The following ARHGAP26 variants were observed in gnomAD, a reference collection of about 807,000 sequenced individuals.
The protein encoded by ARHGAP26 is rho GTPase-activating protein 26.
Under a neutral mutation model 104.8 loss-of-function variants are expected in ARHGAP26, and 38 were observed. The observed-to-expected ratio is 0.36, with a 90% CI of 0.28 to 0.48. ARHGAP26 has a LOEUF of 0.48. Among genes scored for constraint, ARHGAP26 ranks in the 20% least tolerant of loss-of-function variants. The pLI is 0.99. For synonymous variants in ARHGAP26, 341 were observed against 340.0 expected (o/e 1.00, Z -0.03); for missense variants, 704 against 947.9 (o/e 0.74, Z 3.38).
At chr5:143,134,544 G>A (rs34695950) in intron 19 of ARHGAP26, among the ~76,000 whole-genome samples, 4,821 of 152,178 alleles carry the variant, frequency 0.032, 99 homozygotes, top group East Asian at 0.078. Context: ...GACCTTGTAC[G>A]GCTTGATCTT....
intron 20 of ARHGAP26, among the ~76,000 whole-genome samples, chr5:143,156,420 GTGCACTGGTTCTCAGAGTGTGGTCC>G (rs1270889753): frequency 9.9e-5 from 15 of 152,180 alleles, no homozygotes; most frequent in Non-Finnish European, 1.6e-4. Context: ...CCTTAGCTCT[GTGCACTGGTTCTCAGAGTGTGGTCC>G]TGGGACCAGC....
At chr5:143,148,446 A>G (rs1302524823) in intron 20 of ARHGAP26, among the ~76,000 whole-genome samples, 2 of 152,202 alleles carry the variant, frequency 1.3e-5, no homozygotes, top group East Asian at 1.9e-4. Context: ...GATGACTCCA[A>G]ATGGACTTAA....
At chr5:142,949,658 A>G (rs1768007421) in intron 11 of ARHGAP26, among the ~76,000 whole-genome samples, 1 of 152,136 alleles carries the variant, frequency 6.6e-6, no homozygotes, top group Non-Finnish European at 1.5e-5. Context: ...GGATTGGTAC[A>G]AGCAGAGGAA....
chr5:143,054,241 G>T (rs1785460789), intron 14 of ARHGAP26, among the ~76,000 whole-genome samples, 198 bp from the exon 15 acceptor site: 1 of 152,216 alleles, frequency 6.6e-6, no homozygotes, highest in South Asian at 2.1e-4. Context: ...GAGAGGATCA[G>T]TTTCACTGCA....
intron 20 of ARHGAP26, among the ~76,000 whole-genome samples, chr5:143,168,205 C>T (rs1463053899): frequency 6.6e-6 from 1 of 152,140 alleles, no homozygotes; most frequent in African/African-American, 2.4e-5. Flanking sequence ...TGAACATATG[C>T]TTCTCATCTG....
intron 17 of ARHGAP26, among the ~76,000 whole-genome samples, chr5:143,068,120 A>C (rs367681087): frequency 6.6e-6 from 1 of 152,144 alleles, no homozygotes. Flanking sequence ...AGCCAAGACC[A>C]TGCCACTACA....
At chr5:143,079,640 C>T (rs1241956282) in intron 17 of ARHGAP26, among the ~76,000 whole-genome samples, 1 of 152,180 alleles carries the variant, frequency 6.6e-6, no homozygotes, top group Non-Finnish European at 1.5e-5. Context: ...ATATATTTAC[C>T]TTGTTCAGGT....
intron 17 of ARHGAP26, among the ~76,000 whole-genome samples, chr5:143,068,051 C>G (rs1787758559): frequency 6.6e-6 from 1 of 152,134 alleles, no homozygotes; most frequent in Non-Finnish European, 1.5e-5. Context: ...GTAGTCCCAG[C>G]TACTTGGGAG....
At chr5:142,771,081 A>G in intron 1 of ARHGAP26, 166 bp downstream of exon 1, 1 of 1,370,718 alleles carries the variant, frequency 7.3e-7, no homozygotes. Context: ...CGGGCGAACC[A>G]GCAACCATCA....
intron 17 of ARHGAP26, among the ~76,000 whole-genome samples, chr5:143,100,301 A>G (rs1470930895): frequency 6.6e-6 from 1 of 152,254 alleles, no homozygotes; most frequent in Non-Finnish European, 1.5e-5. Context: ...CTTCTTGTAT[A>G]CACAAAGGGA....
chr5:142,920,345 T>G (rs1304498521), intron 10 of ARHGAP26, among the ~76,000 whole-genome samples: 1 of 152,220 alleles, frequency 6.6e-6, no homozygotes, highest in Non-Finnish European at 1.5e-5. Context: ...GGAAAATATT[T>G]GTTTAGGCTA....
chr5:142,943,661 A>T (rs1766704157), intron 11 of ARHGAP26, among the ~76,000 whole-genome samples: 1 of 152,190 alleles, frequency 6.6e-6, no homozygotes, highest in Admixed American at 6.5e-5. Context: ...ACCTTTAAGG[A>T]TATTTAGAAA....
chr5:143,093,668 T>A lies in ARHGAP26; in HGVS notation c.1539-27320T>A, dbSNP rs1006011300. ...TCTCTCTTTCTTTCCTCTCTCTCTC[T>A]CTTTCCCCCTTTCTCCTCTCTGCTA... On this transcript the variant is annotated intron_variant, in intron 17 of 22. Transcript: ENST00000645722. Among the ~76,000 whole-genome samples the A allele has an allele frequency of 4.6e-5, 7 of 152,068 alleles. No homozygotes were observed. The East Asian group carries it at 1.2e-3, about 25-fold the overall frequency.
At chr5:142,793,105 C>T (rs921452844) in intron 1 of ARHGAP26, among the ~76,000 whole-genome samples, 1 of 152,024 alleles carries the variant, frequency 6.6e-6, no homozygotes, top group Non-Finnish European at 1.5e-5. Context: ...GTAGTGGGAC[C>T]GCAAACAGTA....
intron 11 of ARHGAP26, among the ~76,000 whole-genome samples, chr5:142,964,413 T>G (rs1455877482): frequency 3.9e-5 from 6 of 152,222 alleles, no homozygotes. Context: ...ACTACCTATA[T>G]CAGTATCACT....
At chr5:142,930,858 T>C (rs1221458465) in intron 10 of ARHGAP26, among the ~76,000 whole-genome samples, 2 of 152,190 alleles carry the variant, frequency 1.3e-5, no homozygotes, top group African/African-American at 4.8e-5. Flanking sequence ...GCATATTCAT[T>C]GGAACTATAG....
chr5:142,770,625 G>C lies in ARHGAP26; in HGVS notation c.-137G>C. On this transcript the variant is annotated 5_prime_UTR_variant, in exon 1 of 23. Coordinates refer to ENST00000645722, the MANE Select transcript of ARHGAP26 (RefSeq NM_001135608.3). ...TGCGCGCCGGCGGACACCGCGCGCG[G>C]AGTGAGCCAGCGCCACACCTGTGGA... 1.8e-6 allele frequency: 1 copy of C among 560,184 alleles called. No homozygotes were observed. The highest frequency in any genetic ancestry group is 2.3e-6 in the Non-Finnish European group (1 of 430,742). 34.7% of individuals were successfully genotyped at this position (560,184 alleles called of 1,614,324 possible).
rs866743500 is a variant in ARHGAP26, at chr5:143,207,199, C to T, written c.1990C>T (p.Pro664Ser). ...VVKPTRPNSL[P>S]PNPSPTSPLS... ...TTTTCTGGTTGTTATGTCTTGCAGCCCCCCGAATCCAAGCCCAACTTCACC... is the reference window on the plus strand; with the variant it reads ...TTTTCTGGTTGTTATGTCTTGCAGCTCCCCGAATCCAAGCCCAACTTCACC... Residue 664 changes from proline (P) to serine (S), a missense_variant and splice_region_variant, in exon 21 of 23, where the codon CCC (proline) becomes TCC (serine). By Grantham distance (74) the Pro-to-Ser change is moderately conservative. Coordinates refer to ENST00000645722, the MANE Select transcript of ARHGAP26 (RefSeq NM_001135608.3). 6.2e-7 allele frequency: 1 copy of T among 1,613,006 alleles called. No individual in the cohort carries two copies. Among genetic ancestry groups the T allele is most frequent in the Non-Finnish European group, 8.5e-7 (1 of 1,179,284 alleles).
chr5:142,873,552 G>A (rs1341533306), intron 2 of ARHGAP26, 57 bp downstream of exon 2: 3 of 1,233,756 alleles, frequency 2.4e-6, no homozygotes, highest in East Asian at 2.6e-5. Flanking sequence ...AGCCTTCAGT[G>A]TCCCAGCAGA....
Sources: gnomAD v4.1 joint callset for allele counts (sites outside exome capture counted in the v4.1 genomes callset) on GRCh38, gnomAD v4.1.1 for gene constraint, MANE v1.5 for transcripts, NCBI Gene and HGNC (gene_info 2026-07-23, HGNC 2026-07-21) for gene names.